TMEM74: variants seen among roughly 807,000 people sequenced by gnomAD.
The protein encoded by TMEM74 is transmembrane protein 74.
TMEM74 carries 13 observed loss-of-function variants against 18.1 expected under a neutral mutation model. The ratio of observed to expected loss-of-function variants is 0.72; its 90% CI spans 0.47 to 1.14. The LOEUF (loss-of-function observed/expected upper bound fraction) is 1.14. Among genes scored for constraint, TMEM74 ranks in the 50% most tolerant of loss-of-function variants. TMEM74 has a pLI of 0.00. For synonymous variants in TMEM74, 159 were observed against 146.6 expected, an observed-to-expected ratio of 1.08 and a Z score of -0.61; for missense variants, 372 against 375.9, an observed-to-expected ratio of 0.99 and a Z score of 0.09.
At chr8:108,726,108 A>G (rs1264607733) in intron 1 of TMEM74, among the ~76,000 whole-genome samples, 2 of 152,202 alleles carry the variant, frequency 1.3e-5, no homozygotes. Context: ...TGGCTCAACT[A>G]GTGAGACCCG....
chr8:108,675,279 A>G (rs2130593659), intron 1 of TMEM74, among the ~76,000 whole-genome samples: 1 of 152,280 alleles, frequency 6.6e-6, no homozygotes, highest in Non-Finnish European at 1.5e-5. Context: ...TGATATCAGT[A>G]TCTTCTTCTG....
intron 1 of TMEM74, among the ~76,000 whole-genome samples, chr8:108,767,664 C>T (rs1814124393): frequency 1.3e-5 from 2 of 152,120 alleles, no homozygotes; most frequent in Non-Finnish European, 2.9e-5. Flanking sequence ...ATATTCTTCA[C>T]CCCTTCTTAA....
chr8:108,631,589 T>G (rs1812552795), intron 2 of TMEM74, among the ~76,000 whole-genome samples: 1 of 152,046 alleles, frequency 6.6e-6, no homozygotes, highest in Non-Finnish European at 1.5e-5. Context: ...GTAAATTGGT[T>G]TAAGTTGCTT....
chr8:108,708,909 C>T (rs561686514), intron 1 of TMEM74, among the ~76,000 whole-genome samples: 2 of 146,424 alleles, frequency 1.4e-5, no homozygotes, highest in South Asian at 2.1e-4. Flanking sequence ...AACAAATGGA[C>T]CACAGGTATA....
At chr8:108,706,782 T>TGTGTGTGTGC (rs1813416420) in intron 1 of TMEM74, among the ~76,000 whole-genome samples, 1 of 149,842 alleles carries the variant, frequency 6.7e-6, no homozygotes, top group African/African-American at 2.5e-5. Context: ...AAGGGGTGTG[T>TGTGTGTGTGC]GTGTGTGTGT....
Position 108,780,821 on chromosome 8 carries a change from C to T in TMEM74, c.*3360G>A, listed in dbSNP as rs529841776. On this transcript the variant is annotated 3_prime_UTR_variant, in exon 2 of 2. Coordinates refer to ENST00000297459, the MANE Select transcript of TMEM74 (RefSeq NM_153015.3). Reference sequence around the variant, plus strand: ...ATCACCTACACAGTGGGGAGCATGACGAAAAGCTGTTCTTTATATGAGGGG... The same window carrying T: ...ATCACCTACACAGTGGGGAGCATGATGAAAAGCTGTTCTTTATATGAGGGG... 1.4e-4 allele frequency among the ~76,000 whole-genome samples: 21 copies of T among 152,208 alleles called. No individual in the cohort carries two copies. Among genetic ancestry groups the T allele is most frequent in the African/African-American group, 4.3e-4 (18 of 41,542 alleles).
intron 1 of TMEM74, among the ~76,000 whole-genome samples, chr8:108,726,329 C>T (rs1432315999): frequency 6.6e-6 from 1 of 152,116 alleles, no homozygotes; most frequent in Non-Finnish European, 1.5e-5. Flanking sequence ...TTATGTGTCA[C>T]TTGGAAAGCA....
chr8:108,740,703 G>T (rs1813791807), intron 1 of TMEM74, among the ~76,000 whole-genome samples: 1 of 152,114 alleles, frequency 6.6e-6, no homozygotes, highest in African/African-American at 2.4e-5. Context: ...TGTGATCACT[G>T]ATCTTGCTGT....
In TMEM74 at chr8:108,782,220, C is replaced by T. The variant is rs1168510001; in HGVS notation, c.*1961G>A. On this transcript the variant is annotated 3_prime_UTR_variant, in exon 2 of 2. Coordinates refer to ENST00000297459, the MANE Select transcript of TMEM74 (RefSeq NM_153015.3). Reference sequence around the variant, plus strand: ...ACTTAGAAACCTTCAGAATATAAAACTTATACCACTGGTAAGGCAGCCTCA... The same window carrying T: ...ACTTAGAAACCTTCAGAATATAAAATTTATACCACTGGTAAGGCAGCCTCA... 6.6e-6 allele frequency among the ~76,000 whole-genome samples: 1 copy of T among 152,082 alleles called. No homozygotes were observed. Among genetic ancestry groups the T allele is most frequent in the Non-Finnish European group, 1.5e-5 (1 of 68,022 alleles).
intron 2 of TMEM74, among the ~76,000 whole-genome samples, chr8:108,641,179 T>C (rs1038573697): frequency 7.2e-5 from 11 of 152,196 alleles, no homozygotes; most frequent in African/African-American, 2.4e-4. Flanking sequence ...AAGTAGCTAT[T>C]TGTCCTTTTG....
chr8:108,774,080 C>T (rs1405226382), downstream of TMEM74, among the ~76,000 whole-genome samples: 1 of 152,150 alleles, frequency 6.6e-6, no homozygotes, highest in East Asian at 1.9e-4. Context: ...GAAGGCAAAG[C>T]TCATAGTGAA....
At chr8:108,687,409 G>A (rs974981438) in intron 1 of TMEM74, among the ~76,000 whole-genome samples, 1 of 152,054 alleles carries the variant, frequency 6.6e-6, no homozygotes, top group African/African-American at 2.4e-5. Context: ...CTTTATTGCA[G>A]CAGTCCCCAA....
At chr8:108,679,214 G>T (rs1054383327) in intron 1 of TMEM74, among the ~76,000 whole-genome samples, 18 of 152,114 alleles carry the variant, frequency 1.2e-4, no homozygotes, top group Admixed American at 3.3e-4. Flanking sequence ...ACCTACATGT[G>T]CATCTGTCTT....
intron 1 of TMEM74, among the ~76,000 whole-genome samples, chr8:108,686,944 C>G (rs531180113): frequency 1.3e-5 from 2 of 152,130 alleles, no homozygotes; most frequent in South Asian, 4.1e-4. Flanking sequence ...CAAAAAGACA[C>G]CTGCTAATTA....
At chr8:108,661,383 T>TTG (rs1812898396) in intron 1 of TMEM74, among the ~76,000 whole-genome samples, 1 of 137,230 alleles carries the variant, frequency 7.3e-6, no homozygotes, top group South Asian at 2.2e-4. Context: ...CAGCTCTTTT[T>TTG]TTTTTTTTTT....
intron 1 of TMEM74, among the ~76,000 whole-genome samples, chr8:108,716,861 A>AAT (rs1813527982): frequency 1.3e-5 from 2 of 151,808 alleles, no homozygotes; most frequent in African/African-American, 4.8e-5. Context: ...TAATAATCAG[A>AAT]ATATATATAA....
chr8:108,710,229 G>C (rs1813461257), intron 1 of TMEM74, among the ~76,000 whole-genome samples: 1 of 152,232 alleles, frequency 6.6e-6, no homozygotes, highest in Non-Finnish European at 1.5e-5. Context: ...TTTTTCTGCA[G>C]TGTTTCAATG....
At chr8:108,697,361 T>C (rs1430459966) in intron 1 of TMEM74, among the ~76,000 whole-genome samples, 2 of 152,222 alleles carry the variant, frequency 1.3e-5, no homozygotes, top group Non-Finnish European at 2.9e-5. Context: ...TATTGAATTA[T>C]ATATGACAGG....
chr8:108,771,352 A>G (rs1814168600), intron 1 of TMEM74, among the ~76,000 whole-genome samples: 1 of 152,334 alleles, frequency 6.6e-6, no homozygotes, highest in South Asian at 2.1e-4. Context: ...TCCTTGACTC[A>G]GTGCTGATGT....
Sources: allele counts gnomAD v4.1 joint callset (sites outside exome capture counted in the v4.1 genomes callset), GRCh38; gene constraint gnomAD v4.1.1; transcripts MANE v1.5; gene names NCBI Gene and HGNC (gene_info 2026-07-23, HGNC 2026-07-21).